Variants in EPHA4 observed in about 807,000 individuals in gnomAD.
EPHA4 encodes ephrin type-A receptor 4.
EPHA4 carries 19 observed loss-of-function variants against 108.3 expected under a neutral mutation model. The observed-to-expected ratio is 0.18, with a 90% confidence interval of 0.12 to 0.26. The LOEUF is 0.26. Among genes scored for constraint, EPHA4 ranks in the 10% least tolerant of loss-of-function variants. EPHA4 has a pLI of 1.00. For missense variants in EPHA4, 917 were observed against 1,254.0 expected, an observed-to-expected ratio of 0.73 and a Z score of 4.06; for synonymous variants, 449 against 455.5, an observed-to-expected ratio of 0.99 and a Z score of 0.18.
At chr2:221,432,150 TATATATATAAA>T (rs1371850000) in intron 14 of EPHA4, among the ~76,000 whole-genome samples, 2 of 149,896 alleles carry the variant, frequency 1.3e-5, no homozygotes, top group Non-Finnish European at 1.5e-5. Flanking sequence ...TATGTGTGTA[TATATATATAAA>T]ATACATATAT....
intron 5 of EPHA4, among the ~76,000 whole-genome samples, chr2:221,481,980 C>G (rs1691834456): frequency 6.6e-6 from 1 of 152,234 alleles, no homozygotes; most frequent in South Asian, 2.1e-4. Context: ...ACTCAGCTCA[C>G]TGCAACCTCT....
At chr2:221,461,188 T>C (rs929824549) in intron 5 of EPHA4, among the ~76,000 whole-genome samples, 4 of 152,204 alleles carry the variant, frequency 2.6e-5, no homozygotes, top group Admixed American at 2.6e-4. Flanking sequence ...AAATGAACTA[T>C]ACTGTACACA....
chr2:221,507,063 T>A (rs1692652591), intron 3 of EPHA4, among the ~76,000 whole-genome samples: 1 of 152,160 alleles, frequency 6.6e-6, no homozygotes, highest in Admixed American at 6.5e-5. Context: ...TAAAAACTGG[T>A]GGCAGGCCAG....
At chr2:221,509,943 T>G (rs1426738709) in intron 3 of EPHA4, among the ~76,000 whole-genome samples, 1 of 152,176 alleles carries the variant, frequency 6.6e-6, no homozygotes. Context: ...ATGTAACTAC[T>G]CTGAACTTCA....
intron 2 of EPHA4, among the ~76,000 whole-genome samples, chr2:221,566,311 A>C (rs540361937): frequency 1.3e-5 from 2 of 152,308 alleles, no homozygotes; most frequent in African/African-American, 4.8e-5. Flanking sequence ...ACAGTGAATA[A>C]AGACATTAAA....
At chr2:221,505,409 T>C (rs1027676901) in intron 3 of EPHA4, among the ~76,000 whole-genome samples, 1 of 152,110 alleles carries the variant, frequency 6.6e-6, no homozygotes, top group Admixed American at 6.5e-5. Context: ...CACTGCAACC[T>C]CCGCCTTCTG....
intron 11 of EPHA4, among the ~76,000 whole-genome samples, chr2:221,440,546 T>C (rs1238435214): frequency 6.6e-6 from 1 of 151,928 alleles, no homozygotes; most frequent in African/African-American, 2.4e-5. Context: ...AATAGAGCTA[T>C]TCTATGCTAA....
chr2:221,508,197 C>T (rs1315225484), intron 3 of EPHA4, among the ~76,000 whole-genome samples: 10 of 152,166 alleles, frequency 6.6e-5, no homozygotes, highest in Admixed American at 1.3e-4. Flanking sequence ...CTCTAATACC[C>T]GGATGCTAAA....
chr2:221,555,103 G>A (rs1021819078), intron 3 of EPHA4, among the ~76,000 whole-genome samples: 10 of 152,172 alleles, frequency 6.6e-5, no homozygotes, highest in African/African-American at 2.4e-4. Flanking sequence ...AATGAAATGA[G>A]CAGCAGGGAC....
At chr2:221,517,163 G>A (rs568458027) in intron 3 of EPHA4, among the ~76,000 whole-genome samples, 1 of 152,296 alleles carries the variant, frequency 6.6e-6, no homozygotes, top group South Asian at 2.1e-4. Flanking sequence ...GACTGAGGAT[G>A]GGGCTGGGAA....
chr2:221,433,946 T>G (rs569670702), intron 14 of EPHA4, among the ~76,000 whole-genome samples, 196 bp downstream of exon 14: 1 of 152,228 alleles, frequency 6.6e-6, no homozygotes, highest in Non-Finnish European at 1.5e-5. Flanking sequence ...TACTGTACCA[T>G]GTAGGCCATT....
chr2:221,440,203 T>G (rs949380825), intron 11 of EPHA4, among the ~76,000 whole-genome samples: 6 of 152,196 alleles, frequency 3.9e-5, no homozygotes, highest in South Asian at 2.1e-4. Flanking sequence ...AAATTTTAAA[T>G]CATTTTAATT....
chr2:221,503,822 C>T (rs1692550018), intron 3 of EPHA4, among the ~76,000 whole-genome samples: 1 of 152,118 alleles, frequency 6.6e-6, no homozygotes, highest in Non-Finnish European at 1.5e-5. Context: ...TAGAAAGGCT[C>T]TCTCAAAATA....
At chr2:221,462,424 TTG>T (rs1413987917) in intron 5 of EPHA4, among the ~76,000 whole-genome samples, 1 of 152,094 alleles carries the variant, frequency 6.6e-6, no homozygotes, top group Non-Finnish European at 1.5e-5. Flanking sequence ...AACCCAAAAC[TTG>T]TCTCTCATTT....
chr2:221,456,552 G>A (rs1690957944), intron 7 of EPHA4, 61 bp downstream of exon 7: 3 of 1,546,724 alleles, frequency 1.9e-6, no homozygotes, highest in Non-Finnish European at 2.7e-6. Flanking sequence ...CACTGTAATG[G>A]GATTCAGCTG....
intron 11 of EPHA4, among the ~76,000 whole-genome samples, chr2:221,438,483 G>T (rs1240241965): frequency 6.6e-6 from 1 of 151,934 alleles, no homozygotes; most frequent in Non-Finnish European, 1.5e-5. Context: ...ATGTCAGTTT[G>T]ATATACCAAA....
At chr2:221,472,300 CAAAAAA>C (rs11397333) in intron 5 of EPHA4, among the ~76,000 whole-genome samples, 5 of 115,806 alleles carry the variant, frequency 4.3e-5, no homozygotes, top group Non-Finnish European at 8.6e-5. Context: ...ACTTATTTTA[CAAAAAA>C]AAAAAAAAAA....
intron 3 of EPHA4, among the ~76,000 whole-genome samples, chr2:221,547,577 A>G (rs929965734): frequency 5.3e-5 from 8 of 152,248 alleles, no homozygotes; most frequent in African/African-American, 1.9e-4. Context: ...AAGGCCGTTC[A>G]AAATAACACA....
At chr2:221,567,650 A>T (rs775038721) in intron 2 of EPHA4, among the ~76,000 whole-genome samples, 1 of 152,166 alleles carries the variant, frequency 6.6e-6, no homozygotes, top group Non-Finnish European at 1.5e-5. Flanking sequence ...AAAATTCTCC[A>T]TTTTCATGAT....
Sources: gnomAD v4.1 joint callset for allele counts (sites outside exome capture counted in the v4.1 genomes callset) on GRCh38, gnomAD v4.1.1 for gene constraint, MANE v1.5 for transcripts, NCBI Gene and HGNC (gene_info 2026-07-23, HGNC 2026-07-21) for gene names.